Variants in TAFA2 observed in about 807,000 individuals in gnomAD.
TAFA2 encodes TAFA chemokine like family member 2, also known as chemokine-like protein TAFA-2.
In TAFA2, 7 loss-of-function variants were observed where a neutral mutation model predicts 18.8. The ratio of observed to expected loss-of-function variants is 0.37; its 90% confidence interval spans 0.21 to 0.70. The LOEUF (loss-of-function observed/expected upper bound fraction) is 0.70. Among genes scored for constraint, TAFA2 ranks in the 30% least tolerant of loss-of-function variants. TAFA2 has a pLI of 0.53. For synonymous variants in TAFA2, 60 were observed against 54.2 expected (o/e 1.11, Z -0.47); for missense variants, 122 against 158.1 (o/e 0.77, Z 1.23).
chr12:61,917,832 C>T (rs1347665760), intron 1 of TAFA2, among the ~76,000 whole-genome samples: 1 of 152,170 alleles, frequency 6.6e-6, no homozygotes, highest in Non-Finnish European at 1.5e-5. Flanking sequence ...GGCCAACAGG[C>T]TGGCAGAGCC....
chr12:62,035,763 G>A (rs1881587952), intron 1 of TAFA2, among the ~76,000 whole-genome samples: 1 of 89,396 alleles, frequency 1.1e-5, no homozygotes. Context: ...TTTTTTTGAG[G>A]CGGAGTTTCG....
intron 1 of TAFA2, among the ~76,000 whole-genome samples, chr12:61,881,167 GA>G (rs1875119919): frequency 6.6e-6 from 1 of 152,028 alleles, no homozygotes; most frequent in Non-Finnish European, 1.5e-5. Context: ...CTAAACAAGA[GA>G]GGAATTACAC....
chr12:61,726,135 C>CT (rs1387044205), intron 4 of TAFA2, among the ~76,000 whole-genome samples: 9 of 151,152 alleles, frequency 6.0e-5, no homozygotes, highest in Non-Finnish European at 1.3e-4. Flanking sequence ...TTCAGGGACT[C>CT]TTTTTTTAAT....
chr12:61,973,412 TTTAG>T (rs748088431), intron 1 of TAFA2, among the ~76,000 whole-genome samples: 6 of 140,022 alleles, frequency 4.3e-5, no homozygotes, highest in Admixed American at 7.4e-5. Context: ...TTTTTTTTTT[TTTAG>T]TTTTCATTAC....
At chr12:61,750,915 C>T (rs1868982240) in intron 4 of TAFA2, among the ~76,000 whole-genome samples, 1 of 152,108 alleles carries the variant, frequency 6.6e-6, no homozygotes, top group Non-Finnish European at 1.5e-5. Flanking sequence ...TCTGGCCTTT[C>T]CAATTGTGGC....
At chr12:62,061,655 G>T (rs1329369617) in intron 1 of TAFA2, among the ~76,000 whole-genome samples, 1 of 152,130 alleles carries the variant, frequency 6.6e-6, no homozygotes, top group East Asian at 1.9e-4. Context: ...GTCACTAGGA[G>T]GTTACTCATT....
At chr12:62,186,372 A>G (rs1471852326) in intron 1 of TAFA2, among the ~76,000 whole-genome samples, 1 of 152,154 alleles carries the variant, frequency 6.6e-6, no homozygotes, top group Non-Finnish European at 1.5e-5. Context: ...ATCAAAAACT[A>G]CTTTGAACTT....
intron 1 of TAFA2, among the ~76,000 whole-genome samples, chr12:62,046,316 G>A (rs1881907114): frequency 6.6e-6 from 1 of 151,472 alleles, no homozygotes. Context: ...TCACTGATCA[G>A]AAACAAAGAT....
rs182000837 is a variant in TAFA2 at position 61,882,446 on chromosome 12, A to G, written c.-1-15020T>C. ...TAGAGTACAAAAGGATATTTAGAAT[A>G]CTTTGGTAAAATTCTGAAGACTTAA... is the stretch of plus-strand genomic sequence containing the variant. On this transcript the variant is annotated intron_variant, in intron 1 of 4. Coordinates refer to ENST00000416284, the MANE Select transcript of TAFA2 (RefSeq NM_178539.5). 2.5e-3 allele frequency among the ~76,000 whole-genome samples: 382 copies of G among 152,314 alleles called. 3 individuals carry two copies. The highest frequency in any genetic ancestry group is 4.5e-3 in the Non-Finnish European group (306 of 68,022).
intron 1 of TAFA2, among the ~76,000 whole-genome samples, chr12:62,225,378 C>A (rs780256165): frequency 2.0e-5 from 3 of 152,012 alleles, no homozygotes; most frequent in Non-Finnish European, 4.4e-5. Context: ...ACTGATCAGA[C>A]TCAAATGTAA....
intron 1 of TAFA2, among the ~76,000 whole-genome samples, chr12:61,924,575 A>T (rs1270419942): frequency 6.6e-6 from 1 of 152,218 alleles, no homozygotes; most frequent in South Asian, 2.1e-4. Flanking sequence ...GCCTCACAAG[A>T]GTTCTTGAAG....
At chr12:61,926,978 G>A (rs1431650639) in intron 1 of TAFA2, among the ~76,000 whole-genome samples, 1 of 150,866 alleles carries the variant, frequency 6.6e-6, no homozygotes, top group Non-Finnish European at 1.5e-5. Context: ...GGGAGGCTGA[G>A]GCAGGAGAAT....
At chr12:61,746,114 GGGTGAGGCCAGGTAGA>G (rs898994894) in intron 4 of TAFA2, among the ~76,000 whole-genome samples, 43 of 152,084 alleles carry the variant, frequency 2.8e-4, no homozygotes, top group African/African-American at 9.9e-4. Flanking sequence ...CACATGTCAA[GGGTGAGGCCAGGTAGA>G]GGTAAGTGGA....
At chr12:61,848,551 T>C (rs1350338249) in intron 2 of TAFA2, among the ~76,000 whole-genome samples, 5 of 152,204 alleles carry the variant, frequency 3.3e-5, no homozygotes, top group Admixed American at 1.3e-4. Context: ...TTTTACTGTA[T>C]GTTTTTACTG....
intron 1 of TAFA2, among the ~76,000 whole-genome samples, chr12:61,877,290 T>A (rs375424469): frequency 6.6e-6 from 1 of 152,196 alleles, no homozygotes; most frequent in African/African-American, 2.4e-5. Flanking sequence ...CACACTACTC[T>A]AACTTCTATT....
intron 2 of TAFA2, among the ~76,000 whole-genome samples, chr12:61,812,378 C>T (rs71465111): frequency 0.11 from 16,941 of 151,232 alleles, 1,280 homozygotes; most frequent in East Asian, 0.19. Flanking sequence ...GCTCTGCTCC[C>T]AACATCTGCC....
At chr12:61,941,857 G>C (rs1878035616) in intron 1 of TAFA2, among the ~76,000 whole-genome samples, 1 of 152,292 alleles carries the variant, frequency 6.6e-6, no homozygotes, top group African/African-American at 2.4e-5. Context: ...AAACTGCAAG[G>C]CGGCAGCGAG....
intron 1 of TAFA2, among the ~76,000 whole-genome samples, chr12:62,171,472 G>A (rs998828081): frequency 6.6e-6 from 1 of 152,120 alleles, no homozygotes; most frequent in Non-Finnish European, 1.5e-5. Context: ...TGTGTCCCCC[G>A]AAATTTATGT....
intron 1 of TAFA2, among the ~76,000 whole-genome samples, chr12:62,150,848 C>A (rs1002039897): frequency 1.3e-5 from 2 of 151,610 alleles, no homozygotes; most frequent in South Asian, 4.2e-4. Context: ...GGAGGTTGTG[C>A]TACTGCACTT....
Sources: gnomAD v4.1 joint callset for allele counts (sites outside exome capture counted in the v4.1 genomes callset) on GRCh38, gnomAD v4.1.1 for gene constraint, MANE v1.5 for transcripts, NCBI Gene and HGNC (gene_info 2026-07-23, HGNC 2026-07-21) for gene names.